The following NME7 variants were observed in gnomAD, a reference collection of about 807,000 sequenced individuals.
NME7 encodes nucleoside diphosphate kinase 7.
In NME7, 41 loss-of-function variants were observed where a neutral mutation model predicts 49.1. The observed-to-expected ratio is 0.83, with a 90% CI of 0.65 to 1.08. The LOEUF (loss-of-function observed/expected upper bound fraction) is 1.08, where lower values mean the gene tolerates loss of function less well. Among genes scored for constraint, NME7 ranks in the 50% least tolerant of loss-of-function variants. The probability of loss-of-function intolerance (pLI) is 0.00; values close to 1 mark genes in which losing one functional copy is unlikely to be tolerated. For missense variants in NME7, 423 were observed against 463.4 expected, an observed-to-expected ratio of 0.91 and a Z score of 0.80; for synonymous variants, 139 against 150.6, an observed-to-expected ratio of 0.92 and a Z score of 0.56.
intron 11 of NME7, among the ~76,000 whole-genome samples, chr1:169,157,320 T>C (rs3766054): frequency 0.39 from 60,035 of 151,994 alleles, 12,203 homozygotes; most frequent in East Asian, 0.73. Context: ...TAAGCCCAGG[T>C]CCTCAAGGCA....
chr1:169,223,503 T>C (rs953725940), intron 10 of NME7, among the ~76,000 whole-genome samples: 5 of 152,212 alleles, frequency 3.3e-5, no homozygotes, highest in Non-Finnish European at 7.3e-5. Context: ...AACGTGTTGC[T>C]ATCATGATTT....
chr1:169,174,905 A>C (rs745982764), intron 10 of NME7, among the ~76,000 whole-genome samples: 1 of 152,208 alleles, frequency 6.6e-6, no homozygotes, highest in Non-Finnish European at 1.5e-5. Context: ...AACACTGTAC[A>C]CTTGGGCTAC....
intron 6 of NME7, among the ~76,000 whole-genome samples, chr1:169,297,415 C>G (rs1209087440): frequency 1.3e-5 from 2 of 152,094 alleles, no homozygotes; most frequent in East Asian, 3.9e-4. Flanking sequence ...CCTATAAGAC[C>G]ATATAATCTT....
intron 1 of NME7, among the ~76,000 whole-genome samples, chr1:169,334,545 T>G (rs758113051): frequency 6.6e-6 from 1 of 152,060 alleles, no homozygotes; most frequent in Non-Finnish European, 1.5e-5. Flanking sequence ...TTCCTTACAC[T>G]TTATAGAAAA....
chr1:169,298,543 T>C lies in NME7; in HGVS notation c.648+13A>G. On this transcript the variant is annotated intron_variant, in intron 6 of 11. Coordinates refer to ENST00000367811, the MANE Select transcript of NME7 (RefSeq NM_013330.5). ...AACTAGAAGAGCATTAAAATATTTT[T>C]AAAACACCTTACTCTGGCCGCAGAA... 6.2e-7 allele frequency: 1 copy of C among 1,609,436 alleles called. No homozygotes were observed. The highest frequency in any genetic ancestry group is 8.5e-7 in the Non-Finnish European group (1 of 1,178,422).
chr1:169,142,335 A>G (rs1012619557), intron 11 of NME7, among the ~76,000 whole-genome samples: 1 of 152,226 alleles, frequency 6.6e-6, no homozygotes, highest in Non-Finnish European at 1.5e-5. Flanking sequence ...TAGTCTTGCA[A>G]TATTTTCAGC....
At chr1:169,274,563 T>C (rs183501991) in intron 7 of NME7, among the ~76,000 whole-genome samples, 1 of 133,632 alleles carries the variant, frequency 7.5e-6, no homozygotes, top group Admixed American at 7.3e-5. Flanking sequence ...CTGAATGGTA[T>C]TGCCTAGGTT....
chr1:169,192,918 T>C (rs1660274498), intron 10 of NME7, among the ~76,000 whole-genome samples: 1 of 152,206 alleles, frequency 6.6e-6, no homozygotes, highest in Non-Finnish European at 1.5e-5. Flanking sequence ...GGAATTCTTT[T>C]GGAAAATATA....
intron 10 of NME7, chr1:169,190,637 A>G (rs961952868): frequency 6.9e-6 from 3 of 435,172 alleles, no homozygotes; most frequent in South Asian, 1.6e-5. Context: ...TGATTTTAAT[A>G]CTCACGGAAC....
Position 169,230,898 on chromosome 1 carries a change from T to C in NME7, c.889-79A>G, listed in dbSNP as rs537662373. The C allele has an allele frequency of 3.6e-5, 33 of 923,736 alleles. No homozygotes were observed. The African/African-American group carries it at 5.4e-4, about 15-fold the overall frequency. 57.2% of individuals were successfully genotyped at this position (923,736 alleles called of 1,614,324 possible). A position where few individuals can be genotyped will look rare whatever the true frequency, so the allele number is the denominator to read the frequency against. Reference sequence around the variant, plus strand: ...CCTTTTAATTGTTTCACTGTTCCACTAATGTCCTTAAAGTCATCTGTGACT... The same window carrying C: ...CCTTTTAATTGTTTCACTGTTCCACCAATGTCCTTAAAGTCATCTGTGACT... On this transcript the variant is annotated intron_variant, in intron 9 of 11. Transcript: ENST00000367811.
chr1:169,246,216 G>A (rs1335592280), intron 7 of NME7, among the ~76,000 whole-genome samples: 1 of 152,152 alleles, frequency 6.6e-6, no homozygotes, highest in African/African-American at 2.4e-5. Context: ...TAAGGTGGGA[G>A]GATCACTAGG....
intron 1 of NME7, among the ~76,000 whole-genome samples, chr1:169,341,778 T>A (rs192659437): frequency 3.3e-4 from 50 of 152,088 alleles, no homozygotes; most frequent in East Asian, 1.2e-3. Flanking sequence ...TAAAAAAAAA[T>A]TTTTTTAACA....
At chr1:169,296,768 T>G (rs1452985511) in intron 6 of NME7, among the ~76,000 whole-genome samples, 3 of 152,112 alleles carry the variant, frequency 2.0e-5, no homozygotes, top group East Asian at 1.9e-4. Context: ...AACTTTGGAG[T>G]AATACTTGGT....
intron 10 of NME7, among the ~76,000 whole-genome samples, chr1:169,212,592 A>G (rs1346509529): frequency 6.9e-6 from 1 of 144,692 alleles, no homozygotes; most frequent in Non-Finnish European, 1.5e-5. Flanking sequence ...ACTTTAAAAC[A>G]AATGTCCTTT....
chr1:169,194,576 G>A (rs1051289824), intron 10 of NME7, among the ~76,000 whole-genome samples: 1 of 152,106 alleles, frequency 6.6e-6, no homozygotes, highest in Non-Finnish European at 1.5e-5. Flanking sequence ...GCTTTCCTCA[G>A]TCCTTTTGTG....
intron 11 of NME7, among the ~76,000 whole-genome samples, 185 bp from the exon 12 acceptor site, chr1:169,133,002 A>AATC (rs1389196837): frequency 6.6e-6 from 1 of 152,352 alleles, no homozygotes; most frequent in African/African-American, 2.4e-5. Flanking sequence ...CATTTAAAAA[A>AATC]ATCATCTTGC....
At chr1:169,355,166 TAA>T in intron 1 of NME7, among the ~76,000 whole-genome samples, 1 of 40,966 alleles carries the variant, frequency 2.4e-5, no homozygotes, top group African/African-American at 9.1e-5. Flanking sequence ...ATTATAGATA[TAA>T]TATATAATAT....
chr1:169,253,543 A>G lies in NME7; in HGVS notation c.755-15856T>C, dbSNP rs369589053. Among the ~76,000 whole-genome samples, 25 of 152,218 alleles carry G rather than the reference A, an allele frequency of 1.6e-4. No individual in the cohort carries two copies. In the South Asian group the frequency reaches 2.5e-3, roughly 15 times the overall value. ...TTTGACTTCCTCTTTTCCTAATTGA[A>G]TACCCTTTATTTCCTTCTCCTGCCT... On this transcript the variant is annotated intron_variant, in intron 7 of 11. Coordinates refer to ENST00000367811, the MANE Select transcript of NME7 (RefSeq NM_013330.5).
At chr1:169,134,087 T>A (rs1053825438) in intron 11 of NME7, among the ~76,000 whole-genome samples, 1 of 152,206 alleles carries the variant, frequency 6.6e-6, no homozygotes, top group Non-Finnish European at 1.5e-5. Flanking sequence ...TTCCCACTCC[T>A]GATCTTTAGT....
Sources: gnomAD v4.1 joint callset for allele counts (sites outside exome capture counted in the v4.1 genomes callset) on GRCh38, gnomAD v4.1.1 for gene constraint, MANE v1.5 for transcripts, NCBI Gene and HGNC (gene_info 2026-07-23, HGNC 2026-07-21) for gene names.